ZMIZ1: variants seen among roughly 807,000 people sequenced by gnomAD.
The protein encoded by ZMIZ1 is zinc finger MIZ-type containing 1.
In ZMIZ1, 17 loss-of-function variants were observed where a neutral mutation model predicts 113.9. The observed-to-expected ratio is 0.15, with a 90% CI of 0.10 to 0.22. ZMIZ1 has a LOEUF of 0.22. Ranked by LOEUF, ZMIZ1 falls within the 10% of genes least tolerant of loss-of-function variation. The pLI is 1.00. For missense variants in ZMIZ1, 1,059 were observed against 1,477.8 expected, an observed-to-expected ratio of 0.72 and a Z score of 4.65; for synonymous variants, 607 against 603.1, an observed-to-expected ratio of 1.01 and a Z score of -0.09.
At chr10:79,265,721 T>C (rs1851561328) in intron 7 of ZMIZ1, among the ~76,000 whole-genome samples, 1 of 151,638 alleles carries the variant, frequency 6.6e-6, no homozygotes, top group African/African-American at 2.4e-5. Context: ...GCCCCAGAAG[T>C]GATGTTTTCT....
At chr10:79,215,275 T>C (rs1395424057) in intron 6 of ZMIZ1, among the ~76,000 whole-genome samples, 2 of 149,844 alleles carry the variant, frequency 1.3e-5, no homozygotes. Flanking sequence ...TGAAGCCCTG[T>C]GGGAAGCAGC....
chr10:79,104,690 T>G (rs1843489181), intron 1 of ZMIZ1, among the ~76,000 whole-genome samples: 1 of 152,188 alleles, frequency 6.6e-6, no homozygotes, highest in East Asian at 1.9e-4. Context: ...GCCACAGCCC[T>G]GGGCCTGGGA....
chr10:79,117,579 T>C (rs1214365383), intron 1 of ZMIZ1, among the ~76,000 whole-genome samples: 1 of 152,250 alleles, frequency 6.6e-6, no homozygotes, highest in East Asian at 1.9e-4. Flanking sequence ...CGAATTGCCT[T>C]GCTACGAGCA....
chr10:79,253,976 A>G (rs1263525129), intron 7 of ZMIZ1, among the ~76,000 whole-genome samples: 1 of 152,238 alleles, frequency 6.6e-6, no homozygotes, highest in Non-Finnish European at 1.5e-5. Context: ...CTCCGTTCAG[A>G]AAACTTAATT....
chr10:79,251,957 A>T (rs1850578470), intron 7 of ZMIZ1, among the ~76,000 whole-genome samples: 1 of 152,112 alleles, frequency 6.6e-6, no homozygotes. Context: ...CTAGGAGGCC[A>T]CTCGGGCAAT....
At chr10:79,094,579 G>T (rs1479397417) in intron 1 of ZMIZ1, among the ~76,000 whole-genome samples, 1 of 152,264 alleles carries the variant, frequency 6.6e-6, no homozygotes, top group East Asian at 1.9e-4. Flanking sequence ...CGTTGTCCCT[G>T]CCCTGCTGTG....
chr10:79,246,238 G>A (rs1301028404), intron 7 of ZMIZ1, among the ~76,000 whole-genome samples: 1 of 152,224 alleles, frequency 6.6e-6, no homozygotes, highest in African/African-American at 2.4e-5. Context: ...GGTCAGCCAG[G>A]GGGCACGAGT....
intron 3 of ZMIZ1, among the ~76,000 whole-genome samples, chr10:79,140,955 A>T (rs748462172): frequency 6.6e-6 from 1 of 151,664 alleles, no homozygotes; most frequent in Non-Finnish European, 1.5e-5. Context: ...GCTGATTTTT[A>T]AATTTTTGTG....
intron 4 of ZMIZ1, among the ~76,000 whole-genome samples, chr10:79,191,754 A>G (rs1847613526): frequency 6.6e-6 from 1 of 152,238 alleles, no homozygotes; most frequent in South Asian, 2.1e-4. Context: ...AATCAGACCT[A>G]GATTCAAATC....
At chr10:79,183,786 G>GCAGA (rs1847233429) in intron 4 of ZMIZ1, among the ~76,000 whole-genome samples, 1 of 152,150 alleles carries the variant, frequency 6.6e-6, no homozygotes, top group African/African-American at 2.4e-5. Flanking sequence ...TTCAAGCAGG[G>GCAGA]CAGAGGACAT....
intron 3 of ZMIZ1, among the ~76,000 whole-genome samples, chr10:79,146,363 C>A (rs1845484254): frequency 6.6e-6 from 1 of 152,190 alleles, no homozygotes; most frequent in Non-Finnish European, 1.5e-5. Context: ...GCAGACCTTT[C>A]CCAAGCAACA....
chr10:79,292,237 G>A lies in ZMIZ1; in HGVS notation c.838G>A (p.Ala280Thr), dbSNP rs1328703506. ...TRPPADFTQP[A>T]AAAAAAAVAA... ...GCCGCCTGCTGACTTCACTCAGCCCGCGGCAGCCGCTGCAGCAGCGGCAGT... is the reference window on the plus strand; with the variant it reads ...GCCGCCTGCTGACTTCACTCAGCCCACGGCAGCCGCTGCAGCAGCGGCAGT... The change falls in exon 11 of 25, where the codon GCG becomes ACG. Residue 280 changes from alanine (A) to threonine (T), a missense_variant. By Grantham distance (58) the Ala-to-Thr change is moderately conservative (BLOSUM62 0). Transcript: ENST00000334512. The A allele has an allele frequency of 4.3e-6, 7 of 1,612,148 alleles. No individual in the cohort carries two copies. The highest frequency in any genetic ancestry group is 3.3e-5 in the Admixed American group (2 of 59,982).
chr10:79,199,897 G>A (rs369453945), intron 4 of ZMIZ1, among the ~76,000 whole-genome samples: 2 of 152,210 alleles, frequency 1.3e-5, no homozygotes, highest in East Asian at 3.9e-4. Flanking sequence ...TCCAAAGGCT[G>A]GGGCCAGGCA....
chr10:79,298,539 C>T lies in ZMIZ1; in HGVS notation c.1625C>T (p.Pro542Leu). The part of the protein sequence containing the change: ...PSQDVKPPFP[P>L]DIKPNMSALP... ...CAAGACGTCAAACCACCCTTCCCGC[C>T]TGACATCAAGCCAAATATGAGCGCT... The change falls in exon 15 of 25, where the codon CCT (proline) becomes CTT (leucine). Residue 542 changes from proline (P) to leucine (L), a missense_variant. Pro to Leu is a moderately conservative substitution (Grantham distance 98). Transcript: ENST00000334512. 6.2e-7 allele frequency: 1 copy of T among 1,602,142 alleles called. No individual in the cohort carries two copies. Among genetic ancestry groups the T allele is most frequent in the Non-Finnish European group, 8.5e-7 (1 of 1,174,880 alleles).
intron 1 of ZMIZ1, among the ~76,000 whole-genome samples, chr10:79,073,625 G>T (rs190057708): frequency 1.1e-3 from 161 of 152,268 alleles, no homozygotes; most frequent in African/African-American, 3.7e-3. Flanking sequence ...CAAGACCAGT[G>T]CCTAGGCAGG....
chr10:79,163,589 G>C (rs1204071079), intron 4 of ZMIZ1, among the ~76,000 whole-genome samples: 1 of 152,220 alleles, frequency 6.6e-6, no homozygotes, highest in African/African-American at 2.4e-5. Context: ...TTCTCCAGAG[G>C]CTCGGCGTGG....
intron 3 of ZMIZ1, among the ~76,000 whole-genome samples, chr10:79,140,793 G>GT (rs1349342537): frequency 6.6e-6 from 1 of 151,978 alleles, no homozygotes; most frequent in Non-Finnish European, 1.5e-5. Context: ...TTTTGTTTTT[G>GT]TTTTTTTGAG....
At chr10:79,290,472 T>G (rs1026861939) in intron 9 of ZMIZ1, among the ~76,000 whole-genome samples, 3 of 152,190 alleles carry the variant, frequency 2.0e-5, no homozygotes, top group African/African-American at 7.2e-5. Flanking sequence ...GGCTGACCGG[T>G]TGTCGCCTGC....
chr10:79,091,600 G>A (rs1453961255), intron 1 of ZMIZ1, among the ~76,000 whole-genome samples: 2 of 152,120 alleles, frequency 1.3e-5, no homozygotes, highest in Non-Finnish European at 2.9e-5. Context: ...GGAGGAGGGG[G>A]CATTTAAGGG....
Sources: gnomAD v4.1 joint callset for allele counts (sites outside exome capture counted in the v4.1 genomes callset) on GRCh38, gnomAD v4.1.1 for gene constraint, MANE v1.5 for transcripts, NCBI Gene and HGNC (gene_info 2026-07-23, HGNC 2026-07-21) for gene names.